ARHGAP39: variants seen among roughly 807,000 people sequenced by gnomAD.
ARHGAP39 encodes Rho GTPase activating protein 39.
In ARHGAP39, 44 loss-of-function variants were observed where a neutral mutation model predicts 106.9. The observed-to-expected ratio is 0.41, with a 90% CI of 0.32 to 0.53. The LOEUF (loss-of-function observed/expected upper bound fraction) is 0.53. Ranked by LOEUF, ARHGAP39 falls within the 20% of genes least tolerant of loss-of-function variation. The probability of loss-of-function intolerance (pLI) is 0.21; values close to 1 mark genes in which losing one functional copy is unlikely to be tolerated. For missense variants in ARHGAP39, 1,496 were observed against 1,577.3 expected, an observed-to-expected ratio of 0.95 and a Z score of 0.87; for synonymous variants, 768 against 693.2, an observed-to-expected ratio of 1.11 and a Z score of -1.69.
Position 144,602,385 on chromosome 8 carries a change from CTG to C in ARHGAP39, c.80+3148_80+3149del, listed in dbSNP as rs1200290301. On this transcript the variant is annotated intron_variant, in intron 2 of 11. Coordinates refer to ENST00000377307, the MANE Select transcript of ARHGAP39 (RefSeq NM_025251.3). Reference sequence around the variant, plus strand: ...GAGGTGTGTGTGCGAGCTCATGTACCTGTGTGTGTGCGTGGAGGCGTGTGTGT... The same window carrying C: ...GAGGTGTGTGTGCGAGCTCATGTACCTGTGTGTGCGTGGAGGCGTGTGTGT... Among the ~76,000 whole-genome samples the C allele has an allele frequency of 1.2e-3, 136 of 113,738 alleles. 2 individuals carry two copies. The highest frequency in any genetic ancestry group is 2.5e-3 in the South Asian group (8 of 3,216). 74.6% of individuals were successfully genotyped at this position (113,738 alleles called of 152,430 possible).
intron 2 of ARHGAP39, among the ~76,000 whole-genome samples, chr8:144,590,868 G>A (rs1178177929): frequency 6.6e-6 from 1 of 151,854 alleles, no homozygotes; most frequent in African/African-American, 2.4e-5. Flanking sequence ...CTTGTCGACC[G>A]CCCTGGGGTC....
chr8:144,651,869 C>G (rs752906082), intron 1 of ARHGAP39, among the ~76,000 whole-genome samples: 1 of 152,038 alleles, frequency 6.6e-6, no homozygotes, highest in Non-Finnish European at 1.5e-5. Flanking sequence ...GGTACAAAAA[C>G]AGGCACCAAC....
Position 144,641,580 on chromosome 8 carries a change from A to G in ARHGAP39, c.-81-35885T>C, listed in dbSNP as rs953438642. ...CGTTCTGCCCATCACTCACCCCAGG[A>G]CTCCATCCTCCCACACCCCTCAACT... On this transcript the variant is annotated intron_variant, in intron 1 of 11. Transcript: ENST00000377307. The surrounding 1 kb of genome is among the most constrained non-coding windows in gnomAD (Gnocchi z 5.2). 2.6e-5 allele frequency among the ~76,000 whole-genome samples: 4 copies of G among 151,960 alleles called. No homozygotes were observed. The highest frequency in any genetic ancestry group is 1.3e-4 in the Admixed American group (2 of 15,254).
chr8:144,583,584 G>T (rs372549855), intron 2 of ARHGAP39, among the ~76,000 whole-genome samples: 1 of 152,184 alleles, frequency 6.6e-6, no homozygotes, highest in Non-Finnish European at 1.5e-5. Flanking sequence ...TTTAACCCAC[G>T]ACTTTGAGCA....
At chr8:144,607,169 G>A (rs774690883) in intron 1 of ARHGAP39, among the ~76,000 whole-genome samples, 2 of 149,998 alleles carry the variant, frequency 1.3e-5, no homozygotes, top group East Asian at 2.0e-4. Context: ...CCAGCTACAC[G>A]TGAGGAAGAG....
rs1363984987 is a variant in ARHGAP39, at chr8:144,670,925, G to A, written c.-82+14761C>T. Among the ~76,000 whole-genome samples, 1 of 152,112 alleles carries A rather than the reference G, an allele frequency of 6.6e-6. No individual in the cohort carries two copies. Among genetic ancestry groups the A allele is most frequent in the Non-Finnish European group, 1.5e-5 (1 of 68,032 alleles). ...ATCCATGGAATGGATGACCAGAAAG[G>A]CACGACCACCTAATCCAGCTCTGAT... is the stretch of plus-strand genomic sequence containing the variant. On this transcript the variant is annotated intron_variant, in intron 1 of 11. Coordinates refer to ENST00000377307, the MANE Select transcript of ARHGAP39 (RefSeq NM_025251.3). This position sits in a 1 kb window ranked among gnomAD's most constrained non-coding sequence, Gnocchi z 4.4.
intron 1 of ARHGAP39, among the ~76,000 whole-genome samples, chr8:144,676,497 GAC>G (rs1199120115): frequency 2.0e-5 from 3 of 151,916 alleles, no homozygotes; most frequent in African/African-American, 7.3e-5. Flanking sequence ...CCTTGAGCTA[GAC>G]ACACAGTGCT....
intron 3 of ARHGAP39, among the ~76,000 whole-genome samples, chr8:144,571,659 G>T (rs1818591263): frequency 6.6e-6 from 1 of 152,144 alleles, no homozygotes; most frequent in Middle Eastern, 3.2e-3. Flanking sequence ...ACAAGACAAA[G>T]AAATAAAGGG....
chr8:144,654,224 GC>G (rs2129657859), intron 1 of ARHGAP39, among the ~76,000 whole-genome samples: 1 of 152,300 alleles, frequency 6.6e-6, no homozygotes, highest in South Asian at 2.1e-4. Context: ...CAAATGTGAG[GC>G]CAGGCACAGT....
chr8:144,631,568 A>G (rs1821063344), intron 1 of ARHGAP39, among the ~76,000 whole-genome samples: 1 of 152,212 alleles, frequency 6.6e-6, no homozygotes, highest in Non-Finnish European at 1.5e-5. Flanking sequence ...TGCAAGTTGA[A>G]GTTGGTCTGT....
intron 8 of ARHGAP39, among the ~76,000 whole-genome samples, chr8:144,533,536 GC>G (rs1269395495): frequency 6.6e-6 from 1 of 152,152 alleles, no homozygotes; most frequent in Non-Finnish European, 1.5e-5. Context: ...CTCCTGGGCT[GC>G]CCCTGGCTCT....
intron 1 of ARHGAP39, among the ~76,000 whole-genome samples, chr8:144,630,689 C>A (rs1196790583): frequency 6.6e-6 from 1 of 152,246 alleles, no homozygotes; most frequent in Non-Finnish European, 1.5e-5. Context: ...CACCACTAAC[C>A]CCACCCCAGG....
rs1386307675 is a variant in ARHGAP39 at position 144,586,792 on chromosome 8, G to A, written c.81-5515C>T. Among the ~76,000 whole-genome samples, 2 of 152,224 alleles carry A rather than the reference G, an allele frequency of 1.3e-5. No homozygotes were observed. The highest frequency in any genetic ancestry group is 2.9e-5 in the Non-Finnish European group (2 of 68,036). On this transcript the variant is annotated intron_variant, in intron 2 of 11. Coordinates refer to ENST00000377307, the MANE Select transcript of ARHGAP39 (RefSeq NM_025251.3). The surrounding 1 kb of genome is among the most constrained non-coding windows in gnomAD (Gnocchi z 4.2). ...CCACTGGCACTGGCTGGCCTGGGCTGCTGTCGGTCTGCTCTGCAGGACAGC... is the reference window on the plus strand; with the variant it reads ...CCACTGGCACTGGCTGGCCTGGGCTACTGTCGGTCTGCTCTGCAGGACAGC...
chr8:144,595,198 C>T (rs1248321081), intron 2 of ARHGAP39, among the ~76,000 whole-genome samples: 19 of 152,194 alleles, frequency 1.2e-4, no homozygotes, highest in Admixed American at 1.2e-3. Flanking sequence ...GAGCAAACGT[C>T]CTTCAACTGA....
intron 1 of ARHGAP39, among the ~76,000 whole-genome samples, chr8:144,665,853 C>G (rs1226861183): frequency 6.6e-6 from 1 of 152,224 alleles, no homozygotes; most frequent in Non-Finnish European, 1.5e-5. Flanking sequence ...GTTGGAGTCC[C>G]TACTGGGGCA....
At position 144,537,845 on chromosome 8, in the gene ARHGAP39, G is replaced by C. The variant is rs779245621; in HGVS notation, c.2522-32C>G. The stretch of plus-strand genomic sequence containing the variant: ...AGCAAAGACAACCATCAGCACGACA[G>C]AACAAAACGCCAGGAGCCAGCGCCC... On this transcript the variant is annotated intron_variant, in intron 6 of 11. Coordinates refer to ENST00000377307, the MANE Select transcript of ARHGAP39 (RefSeq NM_025251.3). The C allele has an allele frequency of 1.3e-5, 20 of 1,599,934 alleles. No homozygotes were observed. In the South Asian group the frequency reaches 2.2e-4, roughly 18 times the overall value.
intron 6 of ARHGAP39, chr8:144,543,932 CCA>C (rs1365311887): frequency 6.7e-4 from 102 of 152,468 alleles, no homozygotes; most frequent in African/African-American, 2.2e-3. Flanking sequence ...GGGCTCAGCT[CCA>C]TAGCCTCCAG....
chr8:144,594,864 GAC>G (rs1819546800), intron 2 of ARHGAP39, among the ~76,000 whole-genome samples: 1 of 152,038 alleles, frequency 6.6e-6, no homozygotes, highest in African/African-American at 2.4e-5. Context: ...CAATCTATGT[GAC>G]AGAGTGAGGC....
intron 4 of ARHGAP39, among the ~76,000 whole-genome samples, chr8:144,552,089 G>A (rs759760821): frequency 3.3e-5 from 5 of 152,198 alleles, no homozygotes; most frequent in Non-Finnish European, 7.3e-5. Flanking sequence ...CACAACACAG[G>A]CTGTTCAGGG....
Sources: gnomAD v4.1 joint callset for allele counts (sites outside exome capture counted in the v4.1 genomes callset) on GRCh38, gnomAD v4.1.1 for gene constraint, Gnocchi (gnomAD v3.1) non-coding constraint, MANE v1.5 for transcripts, NCBI Gene and HGNC (gene_info 2026-07-23, HGNC 2026-07-21) for gene names.